The following PHF14 variants were observed in gnomAD, a reference collection of about 807,000 sequenced individuals.
The protein encoded by PHF14 is PHD finger protein 14.
A neutral mutation model predicts 117.9 loss-of-function variants in PHF14; 55 were observed. That is an observed-to-expected ratio of 0.47 (90% CI 0.38 to 0.58). The LOEUF (loss-of-function observed/expected upper bound fraction) is 0.58. Among genes scored for constraint, PHF14 ranks in the 20% least tolerant of loss-of-function variants. PHF14 has a pLI of 0.00. For synonymous variants in PHF14, 409 were observed against 368.6 expected, an observed-to-expected ratio of 1.11 and a Z score of -1.26; for missense variants, 978 against 1,122.2, an observed-to-expected ratio of 0.87 and a Z score of 1.84.
chr7:11,105,697 TTCTC>T (rs1787235403), intron 16 of PHF14: 1 of 984,460 alleles, frequency 1.0e-6, no homozygotes, highest in Admixed American at 6.2e-5. Flanking sequence ...TTGCAAATAT[TTCTC>T]TATAAAAGTG....
At chr7:11,050,198 AAG>A (rs1235685969) in intron 13 of PHF14, among the ~76,000 whole-genome samples, 2 of 152,198 alleles carry the variant, frequency 1.3e-5, no homozygotes, top group African/African-American at 4.8e-5. Context: ...GTATTAGTGA[AAG>A]ATGTGAATTT....
At chr7:11,020,869 A>G (rs988718882) in intron 5 of PHF14, among the ~76,000 whole-genome samples, 1 of 152,184 alleles carries the variant, frequency 6.6e-6, no homozygotes, top group Non-Finnish European at 1.5e-5. Flanking sequence ...TTGAGTGAAG[A>G]CAGTGAGCCA....
At chr7:11,059,903 C>G (rs948714685) in intron 14 of PHF14, among the ~76,000 whole-genome samples, 2 of 152,042 alleles carry the variant, frequency 1.3e-5, no homozygotes, top group African/African-American at 4.8e-5. Context: ...AAAGTCTCGT[C>G]CTGTTGCTCA....
In PHF14 at chr7:11,036,978, T is replaced by C. The variant is rs966672417; in HGVS notation, c.1874-7T>C. 3.4e-6 allele frequency: 5 copies of C among 1,473,482 alleles called. No individual in the cohort carries two copies. The highest frequency in any genetic ancestry group is 3.7e-6 in the Non-Finnish European group (4 of 1,084,828). The allele number at this position is 1,473,482 out of a possible 1,614,324, so 91.3% of individuals were successfully genotyped here. A position where few individuals can be genotyped will look rare whatever the true frequency, so the allele number is the denominator to read the frequency against. On this transcript the variant is annotated splice_region_variant and splice_polypyrimidine_tract_variant and intron_variant, in intron 9 of 17. Coordinates refer to ENST00000634607, the MANE Select transcript of PHF14 (RefSeq NM_001007157.2). ...CTAAAGTAAAATTCGATATTTCATTTAAATAGAGAGAAATATGCGCATGAT... is the reference window on the plus strand; with the variant it reads ...CTAAAGTAAAATTCGATATTTCATTCAAATAGAGAGAAATATGCGCATGAT...
intron 16 of PHF14, among the ~76,000 whole-genome samples, chr7:11,077,869 C>T (rs576565548): frequency 6.6e-6 from 1 of 152,218 alleles, no homozygotes; most frequent in Admixed American, 6.5e-5. Flanking sequence ...TCAGAATCTT[C>T]ATAAAATAAA....
intron 13 of PHF14, among the ~76,000 whole-genome samples, chr7:11,048,992 G>A (rs1015179969): frequency 6.6e-6 from 1 of 152,102 alleles, no homozygotes; most frequent in African/African-American, 2.4e-5. Flanking sequence ...GGATGGAAGT[G>A]AACATAAGAA....
At position 11,165,666 on chromosome 7, in the gene PHF14, TG is replaced by T. The variant is rs112478967; in HGVS notation, c.2773-3748del. ...AAAATAGTTGGCCATTGTTAGGAGTTGGTTACGTCCTAAGAGGAAGGAAAAG... is the reference window on the plus strand; with the variant it reads ...AAAATAGTTGGCCATTGTTAGGAGTTGTTACGTCCTAAGAGGAAGGAAAAG... On this transcript the variant is annotated intron_variant, in intron 17 of 17. Transcript: ENST00000634607. 9.9e-4 allele frequency among the ~76,000 whole-genome samples: 151 copies of T among 152,322 alleles called. 4 individuals are homozygous for T. The highest frequency in any genetic ancestry group is 3.4e-3 in the African/African-American group (141 of 41,576).
chr7:11,068,942 T>C (rs1432237466), intron 16 of PHF14, among the ~76,000 whole-genome samples: 1 of 152,204 alleles, frequency 6.6e-6, no homozygotes, highest in Non-Finnish European at 1.5e-5. Flanking sequence ...GCATGTCTTT[T>C]ATTACATGCA....
At chr7:11,094,790 C>T (rs1024467462) in intron 16 of PHF14, among the ~76,000 whole-genome samples, 1 of 152,194 alleles carries the variant, frequency 6.6e-6, no homozygotes, top group Non-Finnish European at 1.5e-5. Context: ...CTCTCATGCT[C>T]TGCCACAGGT....
intron 16 of PHF14, among the ~76,000 whole-genome samples, chr7:11,079,824 TGTC>T (rs1423575454): frequency 2.6e-5 from 4 of 152,234 alleles, no homozygotes; most frequent in South Asian, 4.2e-4. Flanking sequence ...TTTTCTTCAT[TGTC>T]GTCATCCTGT....
intron 13 of PHF14, among the ~76,000 whole-genome samples, chr7:11,047,664 G>C (rs187524517): frequency 1.9e-4 from 29 of 150,876 alleles, no homozygotes; most frequent in Admixed American, 4.6e-4. Flanking sequence ...ATGGGGATTC[G>C]TAATCCCTGC....
At chr7:11,041,182 G>A (rs940448783) in intron 12 of PHF14, among the ~76,000 whole-genome samples, 3 of 151,954 alleles carry the variant, frequency 2.0e-5, no homozygotes, top group Admixed American at 1.3e-4. Context: ...GTAGGCAGTG[G>A]ATAATGAAGA....
chr7:11,140,614 C>G (rs374231440), intron 17 of PHF14, among the ~76,000 whole-genome samples: 1 of 151,772 alleles, frequency 6.6e-6, no homozygotes, highest in South Asian at 2.1e-4. Flanking sequence ...TTTTCTTATA[C>G]AAAGAAATAA....
intron 17 of PHF14, among the ~76,000 whole-genome samples, chr7:11,141,294 G>C (rs530257887): frequency 3.8e-4 from 58 of 152,064 alleles, no homozygotes; most frequent in African/African-American, 1.4e-3. Context: ...AAGAAATCCG[G>C]AGTTCAGAAG....
intron 17 of PHF14, among the ~76,000 whole-genome samples, chr7:11,118,819 G>A (rs949149534): frequency 4.6e-5 from 7 of 151,714 alleles, no homozygotes; most frequent in African/African-American, 7.2e-5. Context: ...TATATTAAAC[G>A]TATATACTTC....
chr7:11,047,739 T>C (rs950295516), intron 13 of PHF14, among the ~76,000 whole-genome samples: 2 of 149,366 alleles, frequency 1.3e-5, no homozygotes, highest in Non-Finnish European at 3.0e-5. Flanking sequence ...TGAGCTGAGA[T>C]TGCGCCAGTG....
chr7:11,138,041 C>A (rs1583494504), intron 17 of PHF14, among the ~76,000 whole-genome samples: 2 of 145,528 alleles, frequency 1.4e-5, no homozygotes, highest in African/African-American at 5.1e-5. Flanking sequence ...AAAAATACTT[C>A]TTTTTTTTTT....
Position 10,975,061 on chromosome 7 carries a change from C to T in PHF14, c.112+116C>T, listed in dbSNP as rs190534709. The T allele has an allele frequency of 3.6e-5, 24 of 670,232 alleles. No individual in the cohort carries two copies. In the Admixed American group the frequency reaches 4.7e-4, roughly 13 times the overall value. 41.5% of individuals were successfully genotyped at this position (670,232 alleles called of 1,614,324 possible). A position where few individuals can be genotyped will look rare whatever the true frequency, so the allele number is the denominator to read the frequency against. On this transcript the variant is annotated intron_variant, in intron 2 of 17. Coordinates refer to ENST00000634607, the MANE Select transcript of PHF14 (RefSeq NM_001007157.2). ...ATTTTAAGTGAAAGCACGTAAACTTCATTTATTTTGTCCATTTGATTTCCC... is the reference window on the plus strand; with the variant it reads ...ATTTTAAGTGAAAGCACGTAAACTTTATTTATTTTGTCCATTTGATTTCCC...
At chr7:11,012,651 CTG>C (rs1783392303) in intron 4 of PHF14, among the ~76,000 whole-genome samples, 1 of 152,026 alleles carries the variant, frequency 6.6e-6, no homozygotes, top group African/African-American at 2.4e-5. Context: ...GTTATCTTGT[CTG>C]TTGGGTGTGT....
Sources: allele counts gnomAD v4.1 joint callset (sites outside exome capture counted in the v4.1 genomes callset), GRCh38; gene constraint gnomAD v4.1.1; transcripts MANE v1.5; gene names NCBI Gene and HGNC (gene_info 2026-07-23, HGNC 2026-07-21).